Variants in KIAA1958 observed in about 807,000 individuals in gnomAD.
The protein encoded by KIAA1958 is KIAA1958.
Under a neutral mutation model 47.2 loss-of-function variants are expected in KIAA1958, and 14 were observed. The ratio of observed to expected loss-of-function variants is 0.30; its 90% confidence interval spans 0.20 to 0.46. KIAA1958 has a LOEUF of 0.46. Among genes scored for constraint, KIAA1958 ranks in the 20% least tolerant of loss-of-function variants. The pLI is 1.00. For missense variants in KIAA1958, 803 were observed against 909.2 expected (o/e 0.88, Z 1.50); for synonymous variants, 354 against 353.3 (o/e 1.00, Z -0.02).
intron 2 of KIAA1958, among the ~76,000 whole-genome samples, chr9:112,644,954 G>A (rs1387589511): frequency 6.6e-6 from 1 of 152,060 alleles, no homozygotes; most frequent in African/African-American, 2.4e-5. Flanking sequence ...TGGCCAACAT[G>A]GTGAAACCCC....
chr9:112,624,825 A>G (rs1362435755), intron 2 of KIAA1958, among the ~76,000 whole-genome samples: 1 of 152,144 alleles, frequency 6.6e-6, no homozygotes, highest in Admixed American at 6.6e-5. Context: ...AATGTAAACC[A>G]TTGTCTTTGT....
At chr9:112,510,030 T>G (rs1182434228) in intron 1 of KIAA1958, among the ~76,000 whole-genome samples, 3 of 152,176 alleles carry the variant, frequency 2.0e-5, no homozygotes, top group African/African-American at 7.2e-5. Flanking sequence ...ATCTGAGTGC[T>G]AAAGGAAGTG....
chr9:112,638,593 A>T (rs961229778), intron 2 of KIAA1958, among the ~76,000 whole-genome samples: 4 of 151,966 alleles, frequency 2.6e-5, no homozygotes, highest in African/African-American at 9.7e-5. Flanking sequence ...TTTTCCTTGT[A>T]TTTATTTTGC....
intron 2 of KIAA1958, among the ~76,000 whole-genome samples, chr9:112,616,792 C>G (rs1836414097): frequency 6.6e-6 from 1 of 151,626 alleles, no homozygotes; most frequent in African/African-American, 2.4e-5. Context: ...TGAAATGAAA[C>G]CATGTAAATG....
intron 1 of KIAA1958, among the ~76,000 whole-genome samples, chr9:112,569,623 CTTT>C (rs111366992): frequency 2.7e-4 from 37 of 136,884 alleles, no homozygotes; most frequent in Non-Finnish European, 2.9e-4. Context: ...TTTTAGAATT[CTTT>C]TTTTTTTTTT....
intron 1 of KIAA1958, among the ~76,000 whole-genome samples, chr9:112,544,579 A>G (rs1834997877): frequency 6.6e-6 from 1 of 152,228 alleles, no homozygotes; most frequent in Non-Finnish European, 1.5e-5. Flanking sequence ...TTTAGGGGGC[A>G]GCCCCCAGTT....
At chr9:112,654,292 T>C (rs1458313300) in intron 3 of KIAA1958, among the ~76,000 whole-genome samples, 1 of 152,210 alleles carries the variant, frequency 6.6e-6, no homozygotes, top group Non-Finnish European at 1.5e-5. Context: ...GTTCCTCTCT[T>C]GTAATCCACA....
chr9:112,655,810 T>C (rs944156544), intron 3 of KIAA1958, among the ~76,000 whole-genome samples: 3 of 152,164 alleles, frequency 2.0e-5, no homozygotes, highest in African/African-American at 7.2e-5. Flanking sequence ...ATCTCAGTAA[T>C]AGCTGGGTTG....
intron 2 of KIAA1958, among the ~76,000 whole-genome samples, chr9:112,589,455 G>C (rs1319677710): frequency 6.6e-6 from 1 of 152,150 alleles, no homozygotes; most frequent in African/African-American, 2.4e-5. Flanking sequence ...AGCTGGGCAT[G>C]GTGGCATGTG....
intron 1 of KIAA1958, among the ~76,000 whole-genome samples, chr9:112,561,473 A>G (rs1449913890): frequency 6.6e-6 from 1 of 152,154 alleles, no homozygotes; most frequent in African/African-American, 2.4e-5. Context: ...ACTGTTATTA[A>G]TGGCAGTATC....
At chr9:112,504,774 T>TTATG (rs975457592) in intron 1 of KIAA1958, among the ~76,000 whole-genome samples, 53 of 152,342 alleles carry the variant, frequency 3.5e-4, no homozygotes, top group African/African-American at 1.2e-3. Flanking sequence ...ATGAAGTTTT[T>TTATG]TATGTATGTA....
chr9:112,599,701 C>T (rs997938489), intron 2 of KIAA1958, among the ~76,000 whole-genome samples: 2 of 152,204 alleles, frequency 1.3e-5, no homozygotes, highest in African/African-American at 2.4e-5. Flanking sequence ...TCTTCTACAA[C>T]TGCCTTAACT....
intron 3 of KIAA1958, among the ~76,000 whole-genome samples, chr9:112,658,588 C>A (rs547313180): frequency 2.1e-4 from 32 of 152,280 alleles, no homozygotes; most frequent in African/African-American, 6.7e-4. Context: ...TATTTACACA[C>A]CCTTTCACGG....
Position 112,574,671 on chromosome 9 carries a change from T to C in KIAA1958, c.591T>C (p.Asp197=). 6.2e-7 allele frequency: 1 copy of C among 1,614,160 alleles called. No individual in the cohort carries two copies. The highest frequency in any genetic ancestry group is 8.5e-7 in the Non-Finnish European group (1 of 1,180,020). Reference sequence around the variant, plus strand: ...AGATGGTTGACGAATGCAGCAATGATGTCATCATCAAGAAAATCAAACAAG... The same window carrying C: ...AGATGGTTGACGAATGCAGCAATGACGTCATCATCAAGAAAATCAAACAAG... ...QTQMVDECSN[D]VIIKKIKQEI... The change falls in exon 2 of 4, where the codon GAT becomes GAC. Residue 197 remains aspartate (D), a synonymous_variant. Transcript: ENST00000337530.
At chr9:112,573,850 T>G (rs1367752461) in intron 1 of KIAA1958, among the ~76,000 whole-genome samples, 1 of 152,152 alleles carries the variant, frequency 6.6e-6, no homozygotes, top group Non-Finnish European at 1.5e-5. Context: ...TTTCTCCAAA[T>G]CCCACAACCA....
chr9:112,638,341 C>CA (rs908375957), intron 2 of KIAA1958, among the ~76,000 whole-genome samples: 46 of 150,946 alleles, frequency 3.0e-4, no homozygotes, highest in Non-Finnish European at 5.2e-4. Flanking sequence ...CCTGTCACTA[C>CA]AAAAAATGTA....
rs1837329417 is a variant in KIAA1958 at position 112,664,741 on chromosome 9, A to T, written c.*4672A>T. 1.3e-5 allele frequency: 2 copies of T among 152,154 alleles called. No homozygotes were observed. Among genetic ancestry groups the T allele is most frequent in the Admixed American group, 1.3e-4 (2 of 15,278 alleles). The allele number at this position is 152,154 out of a possible 1,614,324, so 9.4% of individuals were successfully genotyped here. ...GAATCACCCTTATTAAAACAGGAGG[A>T]GGGAGGGATTTGTGGTGACCTACCG... On this transcript the variant is annotated 3_prime_UTR_variant, in exon 4 of 4. Coordinates refer to ENST00000337530, the MANE Select transcript of KIAA1958 (RefSeq NM_133465.4).
chr9:112,634,296 T>G (rs945340986), intron 2 of KIAA1958, among the ~76,000 whole-genome samples: 6 of 152,214 alleles, frequency 3.9e-5, no homozygotes, highest in African/African-American at 1.4e-4. Context: ...TGGCGCAATC[T>G]CGGCTCCCTG....
In KIAA1958 at chr9:112,659,476, G is replaced by A; in HGVS notation, c.1558G>A (p.Ala520Thr). ...LKEKLWVLSK[A>T]GMSGARSRNI... The stretch of plus-strand genomic sequence containing the variant: ...GGAGAAGCTGTGGGTGCTGAGTAAG[G>A]CAGGCATGTCGGGCGCGCGTTCTCG... Residue 520 changes from alanine (A) to threonine (T), a missense_variant, in exon 4 of 4, where the codon GCA (alanine) becomes ACA (threonine). Coordinates refer to ENST00000337530, the MANE Select transcript of KIAA1958 (RefSeq NM_133465.4). 1 of 1,613,860 alleles carries A rather than the reference G, an allele frequency of 6.2e-7. No homozygotes were observed. Among genetic ancestry groups the A allele is most frequent in the Non-Finnish European group, 8.5e-7 (1 of 1,179,886 alleles).
Sources: gnomAD v4.1 joint callset for allele counts (sites outside exome capture counted in the v4.1 genomes callset) on GRCh38, gnomAD v4.1.1 for gene constraint, MANE v1.5 for transcripts, NCBI Gene and HGNC (gene_info 2026-07-23, HGNC 2026-07-21) for gene names.